NCOA6: variants seen among roughly 807,000 people sequenced by gnomAD.
NCOA6 encodes nuclear receptor coactivator 6.
A neutral mutation model predicts 171.4 loss-of-function variants in NCOA6; 49 were observed. The ratio of observed to expected loss-of-function variants is 0.29; its 90% CI spans 0.23 to 0.36. The LOEUF (loss-of-function observed/expected upper bound fraction) is 0.36, where lower values mean the gene tolerates loss of function less well. NCOA6 is among the 10% of genes least tolerant of loss of function. NCOA6 has a pLI of 1.00. For missense variants in NCOA6, 2,248 were observed against 2,554.5 expected, an observed-to-expected ratio of 0.88 and a Z score of 2.59; for synonymous variants, 910 against 927.5, an observed-to-expected ratio of 0.98 and a Z score of 0.34.
Position 34,753,913 on chromosome 20 carries a change from G to C in NCOA6, c.1675+809C>G, listed in dbSNP as rs1436456423. On this transcript the variant is annotated intron_variant, in intron 8 of 14. Coordinates refer to ENST00000359003, the MANE Select transcript of NCOA6 (RefSeq NM_014071.5). ...TTCAGAAACTAGTTGCACTATCTCA[G>C]TCCAAACTGCTTCAATGAGAAAGGG... Among the ~76,000 whole-genome samples, 4 of 152,188 alleles carry C rather than the reference G, an allele frequency of 2.6e-5. No individual in the cohort carries two copies. In the East Asian group the frequency reaches 7.7e-4, roughly 29 times the overall value.
intron 1 of NCOA6, among the ~76,000 whole-genome samples, chr20:34,810,948 G>A (rs1016987302): frequency 2.0e-5 from 3 of 151,868 alleles, no homozygotes; most frequent in Non-Finnish European, 4.4e-5. Flanking sequence ...TATTCAGATA[G>A]ACTAGCATTA....
At chr20:34,751,469 G>A (rs961574600) in intron 8 of NCOA6, among the ~76,000 whole-genome samples, 1 of 151,200 alleles carries the variant, frequency 6.6e-6, no homozygotes, top group Non-Finnish European at 1.5e-5. Context: ...TTGGAAAACT[G>A]TAATAATAAT....
At chr20:34,784,040 A>T (rs2077593016) in intron 2 of NCOA6, among the ~76,000 whole-genome samples, 3 of 151,968 alleles carry the variant, frequency 2.0e-5, no homozygotes, top group Admixed American at 6.6e-5. Context: ...CAAGTTTCTT[A>T]AAAAAAAGAT....
intron 13 of NCOA6, among the ~76,000 whole-genome samples, chr20:34,731,018 T>C (rs1037413835): frequency 2.6e-5 from 4 of 151,804 alleles, no homozygotes; most frequent in Non-Finnish European, 5.9e-5. Flanking sequence ...TTCTAGACTC[T>C]TTTTTCTTTT....
At chr20:34,803,585 A>C (rs1030569741) in intron 1 of NCOA6, among the ~76,000 whole-genome samples, 7 of 152,246 alleles carry the variant, frequency 4.6e-5, no homozygotes, top group Non-Finnish European at 1.0e-4. Context: ...TAACATTTAC[A>C]TTTTGCTTAA....
intron 10 of NCOA6, among the ~76,000 whole-genome samples, chr20:34,745,609 T>A (rs1247981720): frequency 6.6e-6 from 1 of 152,218 alleles, no homozygotes; most frequent in African/African-American, 2.4e-5. Flanking sequence ...AGGGGTAGAT[T>A]AAAGGTTACT....
chr20:34,723,986 G>C (rs189424090), intron 14 of NCOA6, among the ~76,000 whole-genome samples: 183 of 152,316 alleles, frequency 1.2e-3, no homozygotes, highest in Middle Eastern at 3.4e-3. Flanking sequence ...TTTTGGGAAA[G>C]TGAAAGGCTA....
chr20:34,776,347 G>C lies in NCOA6; in HGVS notation c.337C>G (p.Gln113Glu). ...EAAERLRILA[Q>E]SNNQQLRDLG... ...TCCCGAAGCTGCTGGTTGTTGCTCT[G>C]AGCAAGGATCCGTAGCCGCTCCGCT... Residue 113 changes from glutamine to glutamate, a missense_variant, in exon 4 of 15, where the codon CAG (glutamine) becomes GAG (glutamate). Transcript: ENST00000359003. The C allele has an allele frequency of 6.2e-7, 1 of 1,614,086 alleles. No individual in the cohort carries two copies. Among genetic ancestry groups the C allele is most frequent in the Non-Finnish European group, 8.5e-7 (1 of 1,180,034 alleles).
At chr20:34,732,186 T>C (rs1251738748) in intron 13 of NCOA6, among the ~76,000 whole-genome samples, 3 of 152,234 alleles carry the variant, frequency 2.0e-5, no homozygotes, top group East Asian at 3.8e-4. Context: ...CTCCTTCTTT[T>C]GCTTTCAGGG....
At position 34,749,782 on chromosome 20, in the gene NCOA6, C is replaced by G; in HGVS notation, c.2413G>C (p.Ala805Pro). The change falls in exon 9 of 15, where the codon GCT (alanine) becomes CCT (proline). Residue 805 changes from alanine to proline, a missense_variant. Coordinates refer to ENST00000359003, the MANE Select transcript of NCOA6 (RefSeq NM_014071.5). ...CTGACATCGTTATTTGCTGTAGTAG[C>G]AGGATCACCATGCTGCTGGGCCATG... ...PHMAQQHGDP[A>P]TTANNDVSLS... 4 of 1,614,222 alleles carry G rather than the reference C, an allele frequency of 2.5e-6. No homozygotes were observed. Among genetic ancestry groups the G allele is most frequent in the Non-Finnish European group, 3.4e-6 (4 of 1,180,040 alleles).
Position 34,750,181 on chromosome 20 carries a change from G to T in NCOA6, c.2014C>A (p.Pro672Thr). ...MVNPPSQNLG[P>T]SPQRMTPPKQ... is the part of the protein sequence containing the mutation. ...GGTGGGGTCATCCTTTGGGGCGAGG[G>T]CCCAAGATTTTGGCTCGGGGGGTTC... is the stretch of plus-strand genomic sequence containing the variant. The change falls in exon 9 of 15, where the codon CCC becomes ACC. Residue 672 changes from proline (P) to threonine (T), a missense_variant. Physicochemically the swap from Pro to Thr is conservative, Grantham distance 38. This residue lies in a region of NCOA6 where 987 missense variants were observed against 1,104.7 expected (regional missense o/e 0.89). Coordinates refer to ENST00000359003, the MANE Select transcript of NCOA6 (RefSeq NM_014071.5). The T allele has an allele frequency of 6.2e-7, 1 of 1,611,706 alleles. No individual in the cohort carries two copies. The highest frequency in any genetic ancestry group is 8.5e-7 in the Non-Finnish European group (1 of 1,178,704).
chr20:34,750,082 C>T lies in NCOA6; in HGVS notation c.2113G>A (p.Val705Ile). 1 of 1,614,190 alleles carries T rather than the reference C, an allele frequency of 6.2e-7. No homozygotes were observed. The highest frequency in any genetic ancestry group is 8.5e-7 in the Non-Finnish European group (1 of 1,180,032). The stretch of plus-strand genomic sequence containing the variant: ...ATCATTGGGTTCTGTTGGAGCAAAA[C>T]CTGCCCCTGAGGCCCCATCATCTGG... ...HNQMMGPQGQ[V>I]LLQQNPMIEQ... Residue 705 changes from valine (V) to isoleucine (I), a missense_variant, in exon 9 of 15, where the codon GTT becomes ATT. Physicochemically the swap from Val to Ile is conservative, Grantham distance 29. Coordinates refer to ENST00000359003, the MANE Select transcript of NCOA6 (RefSeq NM_014071.5).
chr20:34,740,988 A>G lies in NCOA6; in HGVS notation c.5268T>C (p.Ser1756=), dbSNP rs745776743. The part of the protein sequence containing the change: ...PPCTSSPVVP[S]HPPVQQVKEL... ...CTTTCACTTGCTGCACAGGGGGATG[A>G]GAAGGGACAACTGGAGAAGACGTAC... Residue 1756 remains serine (S), a synonymous_variant, in exon 11 of 15, where the codon TCT becomes TCC. Coordinates refer to ENST00000359003, the MANE Select transcript of NCOA6 (RefSeq NM_014071.5). 1.2e-6 allele frequency: 2 copies of G among 1,614,068 alleles called. No individual in the cohort carries two copies. Among genetic ancestry groups the G allele is most frequent in the African/African-American group, 2.7e-5 (2 of 74,932 alleles).
chr20:34,784,548 A>G (rs965719920), intron 2 of NCOA6, among the ~76,000 whole-genome samples: 2 of 151,900 alleles, frequency 1.3e-5, no homozygotes, highest in African/African-American at 4.8e-5. Flanking sequence ...TTAAATAGTG[A>G]GGCTGGTGGA....
At chr20:34,732,186 T>A (rs1251738748) in intron 13 of NCOA6, among the ~76,000 whole-genome samples, 3 of 152,234 alleles carry the variant, frequency 2.0e-5, no homozygotes, top group Non-Finnish European at 4.4e-5. Context: ...CTCCTTCTTT[T>A]GCTTTCAGGG....
At chr20:34,825,202 G>GCACCCTCCC (rs1478762706) in intron 1 of NCOA6, among the ~76,000 whole-genome samples, 1 of 151,646 alleles carries the variant, frequency 6.6e-6, no homozygotes, top group East Asian at 1.9e-4. Flanking sequence ...CCCGCGCCCA[G>GCACCCTCCC]CACCCTCCCC....
intron 8 of NCOA6, among the ~76,000 whole-genome samples, chr20:34,751,407 T>G (rs985236229): frequency 3.2e-5 from 4 of 126,968 alleles, no homozygotes; most frequent in African/African-American, 9.6e-5. Context: ...GAATGTGAAG[T>G]GTCCTCTTAG....
At chr20:34,730,712 C>CTTTTT (rs141101262) in intron 13 of NCOA6, among the ~76,000 whole-genome samples, 1 of 129,040 alleles carries the variant, frequency 7.7e-6, no homozygotes, top group Non-Finnish European at 1.6e-5. Context: ...ATGTTCTAGA[C>CTTTTT]TTTTTTTTTT....
At chr20:34,777,501 G>C (rs2077365841) in intron 3 of NCOA6, among the ~76,000 whole-genome samples, 1 of 151,978 alleles carries the variant, frequency 6.6e-6, no homozygotes, top group Non-Finnish European at 1.5e-5. Flanking sequence ...TGTAGTCCCA[G>C]CTACTCAGGA....
Sources: gnomAD v4.1 joint callset for allele counts (sites outside exome capture counted in the v4.1 genomes callset) on GRCh38, gnomAD v4.1.1 for gene constraint, gnomAD v4.1.1 regional missense constraint, MANE v1.5 for transcripts, NCBI Gene and HGNC (gene_info 2026-07-23, HGNC 2026-07-21) for gene names.